SGCZ: variants seen among roughly 807,000 people sequenced by gnomAD.
The protein encoded by SGCZ is zeta-sarcoglycan.
In SGCZ, 40 loss-of-function variants were observed where a neutral mutation model predicts 41.3. The observed-to-expected ratio is 0.97, with a 90% CI of 0.75 to 1.26. SGCZ has a LOEUF of 1.26. Ranked by LOEUF, SGCZ falls within the 50% of genes most tolerant of loss-of-function variation. The pLI is 0.00. For missense variants in SGCZ, 552 were observed against 369.8 expected, an observed-to-expected ratio of 1.49 and a Z score of -4.04; for synonymous variants, 206 against 137.5, an observed-to-expected ratio of 1.50 and a Z score of -3.49.
Position 15,044,655 on chromosome 8 carries a change from C to T in SGCZ, c.39+192930G>A, listed in dbSNP as rs115879753. On this transcript the variant is annotated intron_variant, in intron 1 of 7. Coordinates refer to ENST00000382080, the MANE Select transcript of SGCZ (RefSeq NM_139167.4). The stretch of plus-strand genomic sequence containing the variant: ...AAATGTTCACTGAGGATAGGTTATA[C>T]GAAAATGATTCAGGTAGGTGCTATG... Among the ~76,000 whole-genome samples the T allele has an allele frequency of 1.2e-3, 177 of 151,972 alleles. 1 individual carries two copies. Among genetic ancestry groups the T allele is most frequent in the African/African-American group, 4.1e-3 (171 of 41,452 alleles).
At chr8:14,841,213 G>A (rs551101673) in intron 1 of SGCZ, among the ~76,000 whole-genome samples, 2 of 152,028 alleles carry the variant, frequency 1.3e-5, no homozygotes, top group Non-Finnish European at 2.9e-5. Flanking sequence ...AATGTTATGG[G>A]CTGTATCAAC....
intron 1 of SGCZ, among the ~76,000 whole-genome samples, chr8:14,809,498 G>A (rs571846746): frequency 7.1e-4 from 108 of 152,020 alleles, no homozygotes; most frequent in African/African-American, 2.6e-3. Flanking sequence ...GAAACCACTT[G>A]GTATGGTAAT....
intron 1 of SGCZ, among the ~76,000 whole-genome samples, chr8:14,787,781 G>C (rs1485792949): frequency 6.6e-6 from 1 of 152,008 alleles, no homozygotes; most frequent in Non-Finnish European, 1.5e-5. Flanking sequence ...GGGATGCGGA[G>C]ATTGCGGTGA....
Position 15,208,684 on chromosome 8 carries a change from G to T in SGCZ, c.39+28901C>A, listed in dbSNP as rs59734208. 7.6e-3 allele frequency among the ~76,000 whole-genome samples: 1,157 copies of T among 152,170 alleles called. 12 individuals are homozygous for T. The highest frequency in any genetic ancestry group is 0.025 in the African/African-American group (1,033 of 41,548). On this transcript the variant is annotated intron_variant, in intron 1 of 7. Coordinates refer to ENST00000382080, the MANE Select transcript of SGCZ (RefSeq NM_139167.4). ...TGAGGCATTAGAGATCAAGTGACTT[G>T]CTCAAGGTCTCACATAGCTATGACA...
chr8:15,109,386 C>G (rs1228947753), intron 1 of SGCZ, among the ~76,000 whole-genome samples: 4 of 151,840 alleles, frequency 2.6e-5, no homozygotes, highest in African/African-American at 9.7e-5. Flanking sequence ...GAATGTTGGC[C>G]AATTGAGTAC....
intron 3 of SGCZ, among the ~76,000 whole-genome samples, chr8:14,293,711 C>T (rs1800920927): frequency 6.6e-6 from 1 of 151,702 alleles, no homozygotes; most frequent in Admixed American, 6.6e-5. Context: ...TGTTAAATTA[C>T]AGGGGAATTA....
intron 1 of SGCZ, among the ~76,000 whole-genome samples, chr8:14,857,024 TC>T (rs1803564168): frequency 6.6e-6 from 1 of 152,076 alleles, no homozygotes; most frequent in Non-Finnish European, 1.5e-5. Flanking sequence ...GGTGATGGGA[TC>T]ATGGGGCAGA....
At chr8:14,718,414 A>G (rs1379043842) in intron 1 of SGCZ, among the ~76,000 whole-genome samples, 2 of 152,060 alleles carry the variant, frequency 1.3e-5, no homozygotes, top group African/African-American at 4.8e-5. Flanking sequence ...TCTATATACG[A>G]CTAATCATGT....
intron 1 of SGCZ, among the ~76,000 whole-genome samples, chr8:15,172,015 A>G (rs983100729): frequency 1.6e-4 from 24 of 152,160 alleles, no homozygotes; most frequent in Non-Finnish European, 1.0e-4. Flanking sequence ...AAGAGAACTA[A>G]TAACTTGAAA....
At chr8:14,449,795 G>T (rs1463867233) in intron 2 of SGCZ, among the ~76,000 whole-genome samples, 1 of 152,040 alleles carries the variant, frequency 6.6e-6, no homozygotes, top group East Asian at 1.9e-4. Flanking sequence ...TACTCTTTTG[G>T]CTTTGGGAAC....
At chr8:14,475,798 A>G (rs1801340841) in intron 2 of SGCZ, among the ~76,000 whole-genome samples, 1 of 152,168 alleles carries the variant, frequency 6.6e-6, no homozygotes, top group Admixed American at 6.6e-5. Context: ...ATTAGTTCAA[A>G]TAGTACAATG....
intron 1 of SGCZ, among the ~76,000 whole-genome samples, chr8:14,556,906 AT>A (rs965109586): frequency 6.6e-6 from 1 of 151,738 alleles, no homozygotes; most frequent in African/African-American, 2.4e-5. Context: ...AAAGTGAAGT[AT>A]TTTTTTTGTA....
chr8:14,730,445 TA>T (rs1810200178), intron 1 of SGCZ, among the ~76,000 whole-genome samples: 2 of 149,772 alleles, frequency 1.3e-5, no homozygotes, highest in African/African-American at 5.1e-5. Context: ...TTGTATGTTC[TA>T]TTTTTTTTTC....
At chr8:15,022,690 G>C (rs940216613) in intron 1 of SGCZ, among the ~76,000 whole-genome samples, 1 of 152,044 alleles carries the variant, frequency 6.6e-6, no homozygotes, top group African/African-American at 2.4e-5. Flanking sequence ...TGATGATACA[G>C]GATCAGTATG....
intron 1 of SGCZ, among the ~76,000 whole-genome samples, chr8:15,144,526 G>A: frequency 6.6e-6 from 1 of 151,776 alleles, no homozygotes; most frequent in East Asian, 2.0e-4. Flanking sequence ...GTGCAGTGGA[G>A]CCACCTTGGC....
At chr8:14,880,469 G>C (rs189861601) in intron 1 of SGCZ, among the ~76,000 whole-genome samples, 3,727 of 152,210 alleles carry the variant, frequency 0.024, 84 homozygotes, top group Non-Finnish European at 0.04. Context: ...ACCCAAAGGA[G>C]TATAAATCAT....
chr8:15,193,712 G>A (rs1800616665), intron 1 of SGCZ, among the ~76,000 whole-genome samples: 1 of 152,148 alleles, frequency 6.6e-6, no homozygotes, highest in South Asian at 2.1e-4. Context: ...TGAAATATTA[G>A]TAGCTACTGT....
At chr8:14,839,474 T>C (rs1383141822) in intron 1 of SGCZ, among the ~76,000 whole-genome samples, 1 of 152,150 alleles carries the variant, frequency 6.6e-6, no homozygotes, top group East Asian at 1.9e-4. Flanking sequence ...AAAAGTTAAA[T>C]AGAGATTTAA....
chr8:14,541,243 G>A (rs1249787995), intron 2 of SGCZ, among the ~76,000 whole-genome samples: 1 of 151,858 alleles, frequency 6.6e-6, no homozygotes, highest in African/African-American at 2.4e-5. Flanking sequence ...ATCAACCCAA[G>A]ATCTAGGTTT....
Sources: gnomAD v4.1 joint callset for allele counts (sites outside exome capture counted in the v4.1 genomes callset) on GRCh38, gnomAD v4.1.1 for gene constraint, MANE v1.5 for transcripts, NCBI Gene and HGNC (gene_info 2026-07-23, HGNC 2026-07-21) for gene names.